The following BRINP2 variants were observed in gnomAD, a reference collection of about 807,000 sequenced individuals.
BRINP2 encodes BMP/retinoic acid inducible neural specific 2, also known as BMP/retinoic acid-inducible neural-specific protein 2.
Under a neutral mutation model 69.2 loss-of-function variants are expected in BRINP2, and 21 were observed. That is an observed-to-expected ratio of 0.30 (90% CI 0.22 to 0.44). The LOEUF (loss-of-function observed/expected upper bound fraction) is 0.44. Ranked by LOEUF, BRINP2 falls within the 20% of genes least tolerant of loss-of-function variation. The probability of loss-of-function intolerance (pLI) is 1.00; values close to 1 mark genes in which losing one functional copy is unlikely to be tolerated. For synonymous variants in BRINP2, 380 were observed against 394.1 expected, an observed-to-expected ratio of 0.96 and a Z score of 0.42; for missense variants, 877 against 986.0, an observed-to-expected ratio of 0.89 and a Z score of 1.48.
chr1:177,269,571 T>G (rs570687505), intron 4 of BRINP2, among the ~76,000 whole-genome samples: 1 of 152,336 alleles, frequency 6.6e-6, no homozygotes, highest in African/African-American at 2.4e-5. Flanking sequence ...CTTGTCCGAA[T>G]TCCTCACTGC....
chr1:177,224,914 A>C (rs1281587795), intron 1 of BRINP2, among the ~76,000 whole-genome samples: 1 of 152,240 alleles, frequency 6.6e-6, no homozygotes, highest in East Asian at 1.9e-4. Flanking sequence ...TAGCTTAGCC[A>C]TATCCTTAAC....
chr1:177,231,548 AG>A (rs2102326474), intron 2 of BRINP2, among the ~76,000 whole-genome samples: 1 of 152,336 alleles, frequency 6.6e-6, no homozygotes, highest in Non-Finnish European at 1.5e-5. Context: ...GTGCAGACAA[AG>A]GAGCAAGGTC....
In BRINP2 at chr1:177,212,718, T is replaced by G. The variant is rs563238179; in HGVS notation, c.-76-17083T>G. 1.4e-4 allele frequency among the ~76,000 whole-genome samples: 21 copies of G among 152,236 alleles called. No homozygotes were observed. The South Asian group carries it at 4.4e-3, about 32-fold the overall frequency. ...AGTCTGCACATGTTACAATCAGAGC[T>G]TTTTCCCCCAGCTCTGGGTGTTAAA... On this transcript the variant is annotated intron_variant, in intron 1 of 7. Transcript: ENST00000361539.
chr1:177,193,410 A>G (rs574523219), intron 1 of BRINP2, among the ~76,000 whole-genome samples: 8 of 152,342 alleles, frequency 5.3e-5, no homozygotes, highest in African/African-American at 1.9e-4. Flanking sequence ...TCTTATTGAA[A>G]GCAAATGTCT....
At chr1:177,228,787 T>C (rs1484440429) in intron 1 of BRINP2, among the ~76,000 whole-genome samples, 12 of 152,114 alleles carry the variant, frequency 7.9e-5, no homozygotes, top group Admixed American at 7.9e-4. Context: ...GCCCAGAGAT[T>C]TAAAAAGGTG....
intron 7 of BRINP2, 136 bp from the exon 8 acceptor site, chr1:177,280,276 G>A: frequency 1.1e-6 from 1 of 920,168 alleles, no homozygotes; most frequent in Non-Finnish European, 1.7e-6. Context: ...TAGAGTTTCT[G>A]CCACTCAGAG....
intron 4 of BRINP2, among the ~76,000 whole-genome samples, chr1:177,258,367 A>G (rs35106233): frequency 2.0e-5 from 3 of 152,346 alleles, no homozygotes; most frequent in East Asian, 1.9e-4. Flanking sequence ...AATTCATTCA[A>G]TAAGTATTTA....
intron 2 of BRINP2, among the ~76,000 whole-genome samples, chr1:177,252,742 G>A (rs894690546): frequency 1.3e-5 from 2 of 152,024 alleles, no homozygotes; most frequent in Admixed American, 1.3e-4. Flanking sequence ...ACCCTTCCTA[G>A]CCTCTGGTAA....
chr1:177,172,854 T>C (rs1407988707), intron 1 of BRINP2, among the ~76,000 whole-genome samples: 1 of 152,190 alleles, frequency 6.6e-6, no homozygotes, highest in African/African-American at 2.4e-5. Context: ...CTAGGCCTTA[T>C]TCAGCAGGGA....
intron 4 of BRINP2, among the ~76,000 whole-genome samples, chr1:177,258,346 GTTTA>G (rs1161762801): frequency 2.6e-5 from 4 of 152,258 alleles, no homozygotes; most frequent in South Asian, 2.1e-4. Flanking sequence ...AGCAAATTTT[GTTTA>G]TTTATTAATT....
rs1228483887 is a variant in BRINP2, at chr1:177,281,539, A to G, written c.*11A>G. Reference sequence around the variant, plus strand: ...AAACTCTGTAGCTAATGGGCGGCCCACTTCAGCACTGGGCAAGGAGGGGAT... The same window carrying G: ...AAACTCTGTAGCTAATGGGCGGCCCGCTTCAGCACTGGGCAAGGAGGGGAT... On this transcript the variant is annotated 3_prime_UTR_variant, in exon 8 of 8. Transcript: ENST00000361539. 2 of 1,581,614 alleles carry G rather than the reference A, an allele frequency of 1.3e-6. No homozygotes were observed. The highest frequency in any genetic ancestry group is 1.7e-6 in the Non-Finnish European group (2 of 1,169,324).
At chr1:177,253,864 C>T (rs943507348) in intron 2 of BRINP2, among the ~76,000 whole-genome samples, 5 of 152,010 alleles carry the variant, frequency 3.3e-5, no homozygotes, top group Non-Finnish European at 7.4e-5. Flanking sequence ...TTTTATGCAA[C>T]TCTATCATTT....
intron 1 of BRINP2, among the ~76,000 whole-genome samples, chr1:177,173,966 CT>C (rs1359652568): frequency 3.9e-5 from 6 of 152,188 alleles, no homozygotes; most frequent in Admixed American, 3.9e-4. Context: ...AACTCTTTCT[CT>C]TAAATAATAA....
intron 1 of BRINP2, among the ~76,000 whole-genome samples, chr1:177,221,244 G>A (rs1649523391): frequency 6.6e-6 from 1 of 152,178 alleles, no homozygotes; most frequent in Non-Finnish European, 1.5e-5. Context: ...TTTGTGCATA[G>A]TAAATAACGC....
Position 177,256,764 on chromosome 1 carries a change from G to C in BRINP2, c.461-412G>C, listed in dbSNP as rs1650774845. 15 of 1,103,634 alleles carry C rather than the reference G, an allele frequency of 1.4e-5. 1 individual carries two copies. The South Asian group carries it at 3.4e-4, about 25-fold the overall frequency. 68.4% of individuals were successfully genotyped at this position (1,103,634 alleles called of 1,614,324 possible). On this transcript the variant is annotated intron_variant, in intron 3 of 7. Transcript: ENST00000361539. Reference sequence around the variant, plus strand: ...TCGGGCCAGCTGTCGGCACGCGGCAGGTGTTGAGTGTTTGATGGGGAGGAG... The same window carrying C: ...TCGGGCCAGCTGTCGGCACGCGGCACGTGTTGAGTGTTTGATGGGGAGGAG...
intron 1 of BRINP2, among the ~76,000 whole-genome samples, chr1:177,220,814 G>A (rs917578483): frequency 6.6e-6 from 1 of 152,140 alleles, no homozygotes; most frequent in Admixed American, 6.5e-5. Context: ...ACCAGGAGTT[G>A]TGGATTGGCC....
At chr1:177,250,600 C>T (rs1650549974) in intron 2 of BRINP2, among the ~76,000 whole-genome samples, 1 of 152,262 alleles carries the variant, frequency 6.6e-6, no homozygotes, top group African/African-American at 2.4e-5. Flanking sequence ...GCTGGGATTA[C>T]AGGCATGAAC....
chr1:177,225,845 A>G (rs1451154669), intron 1 of BRINP2, among the ~76,000 whole-genome samples: 2 of 152,392 alleles, frequency 1.3e-5, no homozygotes, highest in East Asian at 1.9e-4. Flanking sequence ...AAATGTCTTC[A>G]GATACTGAGA....
chr1:177,219,088 C>T (rs536307521), intron 1 of BRINP2, among the ~76,000 whole-genome samples: 1 of 152,214 alleles, frequency 6.6e-6, no homozygotes. Context: ...GAACAGCTTG[C>T]TCCCCATCAG....
Sources: gnomAD v4.1 joint callset for allele counts (sites outside exome capture counted in the v4.1 genomes callset) on GRCh38, gnomAD v4.1.1 for gene constraint, MANE v1.5 for transcripts, NCBI Gene and HGNC (gene_info 2026-07-23, HGNC 2026-07-21) for gene names.